Variants in SNTG1 observed in about 807,000 individuals in gnomAD.
SNTG1 encodes syntrophin gamma 1.
A neutral mutation model predicts 74.7 loss-of-function variants in SNTG1; 39 were observed. That is an observed-to-expected ratio of 0.52 (90% CI 0.40 to 0.68). SNTG1 has a LOEUF of 0.68. SNTG1 is among the 30% of genes least tolerant of loss of function. The pLI is 0.00. For missense variants in SNTG1, 685 were observed against 609.5 expected, an observed-to-expected ratio of 1.12 and a Z score of -1.30; for synonymous variants, 254 against 217.1, an observed-to-expected ratio of 1.17 and a Z score of -1.49.
chr8:50,240,120 G>T (rs1261233774), intron 2 of SNTG1, among the ~76,000 whole-genome samples: 1 of 152,182 alleles, frequency 6.6e-6, no homozygotes, highest in South Asian at 2.1e-4. Context: ...TTTGCAGAGA[G>T]AGCTCATTAA....
chr8:50,022,770 T>G (rs986930774), intron 1 of SNTG1, among the ~76,000 whole-genome samples: 1 of 152,146 alleles, frequency 6.6e-6, no homozygotes, highest in Non-Finnish European at 1.5e-5. Flanking sequence ...CTGTTCCCAC[T>G]GGGCTCAAAC....
chr8:49,976,971 G>GGT (rs1381542731), intron 1 of SNTG1, among the ~76,000 whole-genome samples: 1 of 152,180 alleles, frequency 6.6e-6, no homozygotes, highest in African/African-American at 2.4e-5. Context: ...GGCAGAGGCT[G>GGT]ACAATTTGCA....
At position 50,671,213 on chromosome 8, in the gene SNTG1, A is replaced by G. The variant is rs539047323; in HGVS notation, c.1038+12550A>G. 1.1e-4 allele frequency among the ~76,000 whole-genome samples: 17 copies of G among 152,120 alleles called. No individual in the cohort carries two copies. The East Asian group carries it at 1.9e-3, about 17-fold the overall frequency. ...CAAATGGGATCTAATTAAACTAAAG[A>G]GCTTCTGCACAGCAAAAGAAACTAC... On this transcript the variant is annotated intron_variant, in intron 15 of 18. Coordinates refer to ENST00000642720, the MANE Select transcript of SNTG1 (RefSeq NM_018967.5).
At chr8:50,646,223 G>C (rs752291697) in intron 13 of SNTG1, among the ~76,000 whole-genome samples, 7 of 152,114 alleles carry the variant, frequency 4.6e-5, no homozygotes, top group Non-Finnish European at 7.4e-5. Flanking sequence ...AGCCTTACCG[G>C]CTGTTGGAAT....
intron 8 of SNTG1, among the ~76,000 whole-genome samples, chr8:50,488,224 T>C (rs1483491448): frequency 6.6e-6 from 1 of 152,188 alleles, no homozygotes; most frequent in Non-Finnish European, 1.5e-5. Flanking sequence ...AAAATAGGTT[T>C]TTTTTAAGAA....
At chr8:50,557,750 G>T (rs992000551) in intron 12 of SNTG1, among the ~76,000 whole-genome samples, 4 of 152,214 alleles carry the variant, frequency 2.6e-5, no homozygotes, top group African/African-American at 9.7e-5. Context: ...TTTCCATGTG[G>T]ATATTTTGGG....
intron 15 of SNTG1, among the ~76,000 whole-genome samples, chr8:50,673,705 A>T (rs1220585492): frequency 1.3e-5 from 2 of 152,170 alleles, no homozygotes; most frequent in Non-Finnish European, 2.9e-5. Flanking sequence ...CAGAATTTCC[A>T]ATACTATGTT....
chr8:50,075,697 T>C (rs1189153015), intron 1 of SNTG1, among the ~76,000 whole-genome samples: 1 of 152,158 alleles, frequency 6.6e-6, no homozygotes, highest in East Asian at 1.9e-4. Context: ...CGTACTGCCT[T>C]TATGAGCTGT....
At chr8:49,913,217 A>G (rs895339713) in intron 1 of SNTG1, among the ~76,000 whole-genome samples, 3 of 152,236 alleles carry the variant, frequency 2.0e-5, no homozygotes, top group African/African-American at 7.2e-5. Flanking sequence ...TTGACTTGCA[A>G]GGATGGAATT....
At chr8:50,732,386 A>G (rs868837009) in intron 17 of SNTG1, among the ~76,000 whole-genome samples, 68 of 151,836 alleles carry the variant, frequency 4.5e-4, no homozygotes, top group African/African-American at 1.6e-3. Flanking sequence ...TTTTTTCTCT[A>G]TTTGTTACAG....
chr8:50,353,356 T>G (rs1216885684), intron 2 of SNTG1, among the ~76,000 whole-genome samples: 1 of 152,046 alleles, frequency 6.6e-6, no homozygotes, highest in Non-Finnish European at 1.5e-5. Context: ...TATACATGTG[T>G]AACAAACCTG....
intron 4 of SNTG1, among the ~76,000 whole-genome samples, chr8:50,415,577 G>T (rs929484324): frequency 6.6e-6 from 1 of 151,948 alleles, no homozygotes; most frequent in East Asian, 1.9e-4. Flanking sequence ...TGTTTTAGTA[G>T]CACAAGTAGT....
At chr8:50,771,977 A>G (rs2095628335) in intron 18 of SNTG1, among the ~76,000 whole-genome samples, 1 of 152,144 alleles carries the variant, frequency 6.6e-6, no homozygotes, top group Non-Finnish European at 1.5e-5. Flanking sequence ...CAAAGGGTAT[A>G]TAGAAAAACC....
At chr8:50,095,913 G>A (rs2079909227) in intron 1 of SNTG1, among the ~76,000 whole-genome samples, 1 of 151,234 alleles carries the variant, frequency 6.6e-6, no homozygotes, top group South Asian at 2.1e-4. Context: ...CCTAAAATAT[G>A]AAATTATTTT....
chr8:50,346,064 T>G (rs1423004644), intron 2 of SNTG1, among the ~76,000 whole-genome samples: 1 of 152,224 alleles, frequency 6.6e-6, no homozygotes, highest in Non-Finnish European at 1.5e-5. Context: ...CGGGCCATAA[T>G]GAAGCAAAAT....
Position 50,751,981 on chromosome 8 carries a change from GT to G in SNTG1, c.1285-12del, listed in dbSNP as rs11429292. 390 of 1,402,368 alleles carry G rather than the reference GT, an allele frequency of 2.8e-4. 1 individual carries two copies. In the African/African-American group the frequency reaches 3.6e-3, roughly 13 times the overall value. The allele number at this position is 1,402,368 out of a possible 1,614,324, so 86.9% of individuals were successfully genotyped here. A position where few individuals can be genotyped will look rare whatever the true frequency, so the allele number is the denominator to read the frequency against. The stretch of plus-strand genomic sequence containing the variant: ...GATATTAATTCCACCGACTTACATT[GT>G]TTTTTTTCCCCCCTTTAGGCTGTCC... On this transcript the variant is annotated intron_variant, in intron 17 of 18. Coordinates refer to ENST00000642720, the MANE Select transcript of SNTG1 (RefSeq NM_018967.5).
At chr8:50,287,596 G>A (rs1006960107) in intron 2 of SNTG1, among the ~76,000 whole-genome samples, 8 of 152,046 alleles carry the variant, frequency 5.3e-5, no homozygotes, top group African/African-American at 1.2e-4. Flanking sequence ...TTCTGTGGTC[G>A]GTTATCTCCT....
chr8:49,997,419 A>T (rs1814332134), intron 1 of SNTG1, among the ~76,000 whole-genome samples: 1 of 152,074 alleles, frequency 6.6e-6, no homozygotes, highest in South Asian at 2.1e-4. Context: ...TGTAATTACC[A>T]CCTTATTTCT....
intron 2 of SNTG1, among the ~76,000 whole-genome samples, chr8:50,200,258 C>G (rs866617576): frequency 3.3e-5 from 5 of 152,210 alleles, no homozygotes; most frequent in Middle Eastern, 6.8e-3. Flanking sequence ...TTCCAAGGGT[C>G]GCATTGAGCA....
Sources: allele counts gnomAD v4.1 joint callset (sites outside exome capture counted in the v4.1 genomes callset), GRCh38; gene constraint gnomAD v4.1.1; transcripts MANE v1.5; gene names NCBI Gene and HGNC (gene_info 2026-07-23, HGNC 2026-07-21).